ZNF586: variants seen among roughly 807,000 people sequenced by gnomAD.
The protein encoded by ZNF586 is zinc finger protein 586.
ZNF586 carries 7 observed loss-of-function variants against 6.7 expected under a neutral mutation model. The ratio of observed to expected loss-of-function variants is 1.04; its 90% CI spans 0.59 to 1.95. The LOEUF (loss-of-function observed/expected upper bound fraction) is 1.95. Ranked by LOEUF, ZNF586 falls within the 30% of genes most tolerant of loss-of-function variation. The pLI is 0.00. For missense variants in ZNF586, 442 were observed against 489.6 expected (o/e 0.90, Z 0.92); for synonymous variants, 166 against 168.7 (o/e 0.98, Z 0.12).
chr19:57,776,662 C>T lies in ZNF586; in HGVS notation c.156C>T (p.Ser52=), dbSNP rs1987244898. The T allele has an allele frequency of 1.9e-6, 3 of 1,602,596 alleles. No individual in the cohort carries two copies. The highest frequency in any genetic ancestry group is 1.7e-4 in the Middle Eastern group (1 of 6,014). ...DVMLETLTLI[S]SLGCWHGGED... ...TGCTGGAGACCTTGACACTTATATC[C>T]TCCCTGGGTAAGGTACTCATATTCA... Residue 52 remains serine (S), a synonymous_variant, in exon 2 of 3, where the codon TCC becomes TCT. Coordinates refer to ENST00000396154, the MANE Select transcript of ZNF586 (RefSeq NM_017652.4).
rs1461890846 is a variant in ZNF586 at position 57,779,055 on chromosome 19, A to G, written c.468A>G (p.Gly156=). 1.2e-6 allele frequency: 2 copies of G among 1,614,086 alleles called. No homozygotes were observed. Among genetic ancestry groups the G allele is most frequent in the Non-Finnish European group, 1.7e-6 (2 of 1,180,020 alleles). The change falls in exon 3 of 3, where the codon GGA becomes GGG. Residue 156 remains glycine (G), a synonymous_variant. Coordinates refer to ENST00000396154, the MANE Select transcript of ZNF586 (RefSeq NM_017652.4). ...AGACCTATGAGTGCAGTGAGTGTGGAAAATCATTTCACCAAAGCTCTTCAC... is the reference window on the plus strand; with the variant it reads ...AGACCTATGAGTGCAGTGAGTGTGGGAAATCATTTCACCAAAGCTCTTCAC... The part of the protein sequence containing the change: ...GQKTYECSEC[G]KSFHQSSSLL...
chr19:57,776,431 G>C, intron 1 of ZNF586, 112 bp from the exon 2 acceptor site: 1 of 1,392,744 alleles, frequency 7.2e-7, no homozygotes, highest in Non-Finnish European at 9.7e-7. Flanking sequence ...TCTCCTCTGA[G>C]TTGGGGATCC....
rs1568484617 is a variant in ZNF586, at chr19:57,779,726, A to G, written c.1139A>G (p.Lys380Arg). The part of the protein sequence containing the change: ...ERPYECIDCG[K>R]SFRHSSSFRR... ...CCATATGAATGCATTGATTGTGGAAAATCATTTCGCCACAGTTCTTCGTTC... is the reference window on the plus strand; with the variant it reads ...CCATATGAATGCATTGATTGTGGAAGATCATTTCGCCACAGTTCTTCGTTC... The change falls in exon 3 of 3, where the codon AAA becomes AGA. Residue 380 changes from lysine to arginine, a missense_variant. Physicochemically the swap from Lys to Arg is conservative, Grantham distance 26. Transcript: ENST00000396154. The G allele has an allele frequency of 6.2e-7, 1 of 1,613,644 alleles. No homozygotes were observed. Among genetic ancestry groups the G allele is most frequent in the Non-Finnish European group, 8.5e-7 (1 of 1,179,586 alleles).
chr19:57,773,665 G>A (rs1307090667), intron 1 of ZNF586, among the ~76,000 whole-genome samples: 1 of 152,194 alleles, frequency 6.6e-6, no homozygotes, highest in East Asian at 1.9e-4. Context: ...GTGACATAAT[G>A]CTTCCAAGAA....
At chr19:57,773,820 C>T (rs1366750712) in intron 1 of ZNF586, among the ~76,000 whole-genome samples, 3 of 152,126 alleles carry the variant, frequency 2.0e-5, no homozygotes, top group African/African-American at 7.2e-5. Flanking sequence ...TTTGATTCAG[C>T]CTGGTGGATG....
intron 1 of ZNF586, among the ~76,000 whole-genome samples, chr19:57,773,716 T>G (rs1008261948): frequency 6.6e-6 from 1 of 152,214 alleles, no homozygotes; most frequent in Non-Finnish European, 1.5e-5. Context: ...TAGGAGTAGC[T>G]GAGGGAAGAT....
At chr19:57,770,162 T>TC (rs1987057314) in intron 1 of ZNF586, among the ~76,000 whole-genome samples, 1 of 147,332 alleles carries the variant, frequency 6.8e-6, no homozygotes, top group Non-Finnish European at 1.5e-5. Context: ...TATTTCTTTT[T>TC]TTTTTTTTTT....
At chr19:57,774,529 TATAAATAAATAAATAA>T (rs71986625) in intron 1 of ZNF586, among the ~76,000 whole-genome samples, 16,660 of 146,646 alleles carry the variant, frequency 0.11, 2,692 homozygotes, top group African/African-American at 0.36. Context: ...ATCTCAAAAA[TATAAATAAATAAATAA>T]ATAAATAAAT....
chr19:57,776,893 T>A (rs997091004), intron 2 of ZNF586, among the ~76,000 whole-genome samples: 1 of 151,788 alleles, frequency 6.6e-6, no homozygotes, highest in African/African-American at 2.4e-5. Context: ...GGGTCAGGAG[T>A]CTTAAAGTCA....
intron 1 of ZNF586, among the ~76,000 whole-genome samples, chr19:57,774,281 C>T (rs1039188975): frequency 4.1e-5 from 6 of 145,480 alleles, no homozygotes; most frequent in Admixed American, 7.0e-5. Context: ...CCAGCACTTT[C>T]GGAGGCTGAG....
chr19:57,778,755 T>C lies in ZNF586; in HGVS notation c.168T>C (p.Cys56=), dbSNP rs371421810. 1.7e-5 allele frequency: 28 copies of C among 1,601,046 alleles called. No individual in the cohort carries two copies. Among genetic ancestry groups the C allele is most frequent in the Non-Finnish European group, 2.3e-5 (27 of 1,173,310 alleles). The change falls in exon 3 of 3, where the codon TGT becomes TGC. Residue 56 remains cysteine (C), a synonymous_variant. Transcript: ENST00000396154. Reference sequence around the variant, plus strand: ...CCAGCATTTCTTTGCTTTTAGGTTGTTGGCATGGAGGGGAAGATGAGGCAG... The same window carrying C: ...CCAGCATTTCTTTGCTTTTAGGTTGCTGGCATGGAGGGGAAGATGAGGCAG... ...ETLTLISSLG[C]WHGGEDEAAP... is the part of the protein sequence containing the mutation.
chr19:57,775,291 G>A (rs115316952), intron 1 of ZNF586, among the ~76,000 whole-genome samples: 3,401 of 152,212 alleles, frequency 0.022, 134 homozygotes, highest in African/African-American at 0.077. Flanking sequence ...GTGAGCCACC[G>A]CACCCAATGC....
In ZNF586 at chr19:57,779,929, AAG is replaced by A. The variant is rs1381879023; in HGVS notation, c.*136_*137del. 1 of 795,996 alleles carries A rather than the reference AAG, an allele frequency of 1.3e-6. No homozygotes were observed. The highest frequency in any genetic ancestry group is 1.7e-5 in the African/African-American group (1 of 57,570). The allele number at this position is 795,996 out of a possible 1,614,324, so 49.3% of individuals were successfully genotyped here. On this transcript the variant is annotated 3_prime_UTR_variant, in exon 3 of 3. Transcript: ENST00000396154. ...CTAGAATGCTAGCTTCTTTACATAAAAGAGTGCTCCCACTGAAGAAGTGCCTT... is the reference window on the plus strand; with the variant it reads ...CTAGAATGCTAGCTTCTTTACATAAAAGTGCTCCCACTGAAGAAGTGCCTT...
intron 2 of ZNF586, among the ~76,000 whole-genome samples, chr19:57,776,974 T>C (rs1987253383): frequency 6.6e-6 from 1 of 152,198 alleles, no homozygotes; most frequent in Non-Finnish European, 1.5e-5. Flanking sequence ...CTTCTGTTTG[T>C]CTCAAGTTCC....
intron 1 of ZNF586, among the ~76,000 whole-genome samples, chr19:57,775,275 G>A (rs190162447): frequency 4.1e-4 from 62 of 152,216 alleles, no homozygotes; most frequent in Non-Finnish European, 7.2e-4. Context: ...GATTATAGGC[G>A]TGGGCGTGAG....
rs546815911 is a variant in ZNF586 at position 57,769,696 on chromosome 19, G to A, written c.-147G>A. On this transcript the variant is annotated 5_prime_UTR_variant, in exon 1 of 3. Coordinates refer to ENST00000396154, the MANE Select transcript of ZNF586 (RefSeq NM_017652.4). ...TTTTGGCCTGTCAGGTCCATCCGGCGATGCTGGGTCTGGACGAGCTCGGGA... is the reference window on the plus strand; with the variant it reads ...TTTTGGCCTGTCAGGTCCATCCGGCAATGCTGGGTCTGGACGAGCTCGGGA... The A allele has an allele frequency of 7.6e-5, 65 of 852,024 alleles. No individual in the cohort carries two copies. The highest frequency in any genetic ancestry group is 7.0e-5 in the Admixed American group (3 of 42,850). 52.8% of individuals were successfully genotyped at this position (852,024 alleles called of 1,614,324 possible).
chr19:57,775,742 A>C (rs1312308103), intron 1 of ZNF586, among the ~76,000 whole-genome samples: 2 of 151,890 alleles, frequency 1.3e-5, no homozygotes, highest in African/African-American at 4.8e-5. Context: ...AGCTGGGACT[A>C]CAGGTGCATG....
At chr19:57,775,790 C>CG (rs1987222215) in intron 1 of ZNF586, among the ~76,000 whole-genome samples, 1 of 152,022 alleles carries the variant, frequency 6.6e-6, no homozygotes, top group Admixed American at 6.6e-5. Flanking sequence ...TTAGTAGAGA[C>CG]GGGGTTTCAC....
At chr19:57,770,603 A>G (rs939786998) in intron 1 of ZNF586, among the ~76,000 whole-genome samples, 6 of 152,204 alleles carry the variant, frequency 3.9e-5, no homozygotes, top group Admixed American at 6.5e-5. Context: ...AGGTTGAATC[A>G]TTGAGAGGTG....
Sources: gnomAD v4.1 joint callset for allele counts (sites outside exome capture counted in the v4.1 genomes callset) on GRCh38, gnomAD v4.1.1 for gene constraint, MANE v1.5 for transcripts, NCBI Gene and HGNC (gene_info 2026-07-23, HGNC 2026-07-21) for gene names.